PRKG1: variants seen among roughly 807,000 people sequenced by gnomAD.
The protein encoded by PRKG1 is cGMP-dependent protein kinase 1.
PRKG1 carries 35 observed loss-of-function variants against 88.1 expected under a neutral mutation model. The observed-to-expected ratio is 0.40, with a 90% CI of 0.30 to 0.53. PRKG1 has a LOEUF of 0.53. PRKG1 is among the 20% of genes least tolerant of loss of function. PRKG1 has a pLI of 0.59. For missense variants in PRKG1, 540 were observed against 839.8 expected (o/e 0.64, Z 4.41); for synonymous variants, 303 against 292.5 (o/e 1.04, Z -0.37).
intron 5 of PRKG1, among the ~76,000 whole-genome samples, chr10:51,946,253 G>C (rs142259313): frequency 1.3e-5 from 2 of 151,834 alleles, no homozygotes; most frequent in Non-Finnish European, 2.9e-5. Context: ...TGATCGCATC[G>C]GCTCCTGAGC....
intron 4 of PRKG1, among the ~76,000 whole-genome samples, chr10:51,855,667 A>G (rs939853989): frequency 2.2e-4 from 33 of 152,314 alleles, no homozygotes; most frequent in African/African-American, 7.2e-4. Context: ...TCACTTAAAA[A>G]TAAGGTGACC....
intron 2 of PRKG1, among the ~76,000 whole-genome samples, chr10:51,362,739 G>A (rs947301136): frequency 4.0e-5 from 6 of 151,522 alleles, no homozygotes; most frequent in Admixed American, 6.6e-5. Context: ...TCAACCCATC[G>A]TCTACGTTAG....
rs768402763 is a variant in PRKG1, at chr10:52,282,254, C to G, written c.1647C>G (p.Gly549=). 1.2e-6 allele frequency: 2 copies of G among 1,611,224 alleles called. No individual in the cohort carries two copies. Among genetic ancestry groups the G allele is most frequent in the South Asian group, 2.2e-5 (2 of 90,734 alleles). ...YVAPEIILNK[G]HDISADYWSL... is the part of the protein sequence containing the mutation. ...CCCCAGAGATCATCCTGAACAAAGGCCATGACATTTCAGCCGACTACTGGT... is the reference window on the plus strand; with the variant it reads ...CCCCAGAGATCATCCTGAACAAAGGGCATGACATTTCAGCCGACTACTGGT... Residue 549 remains glycine (G), a synonymous_variant, in exon 14 of 18, where the codon GGC becomes GGG. Transcript: ENST00000373980.
At chr10:52,162,066 A>C in intron 9 of PRKG1, 103 bp downstream of exon 9, 2 of 957,230 alleles carry the variant, frequency 2.1e-6, no homozygotes, top group Non-Finnish European at 3.2e-6. Context: ...CTGACAGGAA[A>C]CAACTAATTA....
chr10:51,997,725 T>G (rs2339894), intron 5 of PRKG1, among the ~76,000 whole-genome samples: 41,450 of 151,968 alleles, frequency 0.27, 6,593 homozygotes, highest in East Asian at 0.65. Flanking sequence ...TTCTAGTAAT[T>G]TGTTGGTGTA....
At chr10:51,697,690 T>G in intron 3 of PRKG1, 1 of 1,613,360 alleles carries the variant, frequency 6.2e-7, no homozygotes, top group East Asian at 2.2e-5. Context: ...AAATATTTTC[T>G]AAAACCTTTC....
rs1337164736 is a variant in PRKG1 at position 52,235,405 on chromosome 10, T to G, written c.1077-16165T>G. On this transcript the variant is annotated intron_variant, in intron 9 of 17. Coordinates refer to ENST00000373980, the MANE Select transcript of PRKG1 (RefSeq NM_006258.4). Reference sequence around the variant, plus strand: ...AAAGAGTCAAGACCCATCAGTGTGCTGTATTCAGGAAACCCATCTCACGTG... The same window carrying G: ...AAAGAGTCAAGACCCATCAGTGTGCGGTATTCAGGAAACCCATCTCACGTG... Among the ~76,000 whole-genome samples, 16 of 132,178 alleles carry G rather than the reference T, an allele frequency of 1.2e-4. 1 individual carries two copies. The highest frequency in any genetic ancestry group is 4.6e-4 in the African/African-American group (16 of 34,822). The allele number at this position is 132,178 out of a possible 152,430, so 86.7% of individuals were successfully genotyped here. A position where few individuals can be genotyped will look rare whatever the true frequency, so the allele number is the denominator to read the frequency against.
chr10:52,170,880 GGC>G (rs1207972183), intron 9 of PRKG1, among the ~76,000 whole-genome samples: 4 of 10,506 alleles, frequency 3.8e-4, no homozygotes, highest in South Asian at 3.5e-3. Flanking sequence ...GTTGCTCTTC[GGC>G]GGCTTTCAGA....
intron 3 of PRKG1, among the ~76,000 whole-genome samples, chr10:51,528,295 A>G (rs1375065236): frequency 6.6e-6 from 1 of 152,206 alleles, no homozygotes; most frequent in East Asian, 1.9e-4. Flanking sequence ...TCTGGTTAAA[A>G]TGTTCATTTG....
chr10:51,204,431 C>T (rs1837994308), intron 2 of PRKG1, among the ~76,000 whole-genome samples: 1 of 150,304 alleles, frequency 6.7e-6, no homozygotes, highest in African/African-American at 2.4e-5. Context: ...ATTTTTTTTC[C>T]CATCCTTCAG....
At chr10:51,040,311 CTTTTTTTTTTTTTTT>C (rs34444612) in intron 1 of PRKG1, among the ~76,000 whole-genome samples, 1 of 42,584 alleles carries the variant, frequency 2.3e-5, no homozygotes, top group African/African-American at 9.2e-5. Context: ...TTCTTTTTCT[CTTTTTTTTTTTTTTT>C]TTTTTTTTTT....
intron 3 of PRKG1, among the ~76,000 whole-genome samples, chr10:51,678,099 G>C (rs1025021555): frequency 6.6e-6 from 1 of 152,124 alleles, no homozygotes; most frequent in Non-Finnish European, 1.5e-5. Context: ...GAGCTGAGTG[G>C]ATTCAGGGAG....
chr10:51,091,206 T>G (rs1426859127), intron 1 of PRKG1, among the ~76,000 whole-genome samples: 1 of 152,196 alleles, frequency 6.6e-6, no homozygotes, highest in Non-Finnish European at 1.5e-5. Context: ...CAAGAAAGAT[T>G]ATTTTTAACA....
intron 3 of PRKG1, among the ~76,000 whole-genome samples, chr10:51,566,066 T>C (rs1837594824): frequency 6.6e-6 from 1 of 152,074 alleles, no homozygotes; most frequent in Non-Finnish European, 1.5e-5. Flanking sequence ...GTAAAGTAAT[T>C]AATATAATGA....
intron 5 of PRKG1, among the ~76,000 whole-genome samples, chr10:52,012,285 AG>A (rs1844908222): frequency 6.9e-6 from 1 of 144,538 alleles, no homozygotes; most frequent in Non-Finnish European, 1.5e-5. Flanking sequence ...TGTAGTGCCC[AG>A]GCTGGAGTAA....
chr10:52,201,476 C>T (rs571557402), intron 9 of PRKG1, among the ~76,000 whole-genome samples: 1 of 152,178 alleles, frequency 6.6e-6, no homozygotes, highest in Admixed American at 6.5e-5. Context: ...AGTTTGAAGT[C>T]AAGTACTGTA....
chr10:51,442,332 A>G (rs1839139854), intron 2 of PRKG1, among the ~76,000 whole-genome samples: 1 of 151,946 alleles, frequency 6.6e-6, no homozygotes, highest in Admixed American at 6.6e-5. Context: ...ATCAAATTCT[A>G]TTTAGAATTT....
At chr10:51,698,799 G>T in intron 3 of PRKG1, 1 of 1,614,184 alleles carries the variant, frequency 6.2e-7, no homozygotes, top group Non-Finnish European at 8.5e-7. Context: ...ATCAGAGGAG[G>T]AATGTCCTTC....
intron 3 of PRKG1, among the ~76,000 whole-genome samples, chr10:51,598,983 A>G (rs937794632): frequency 6.6e-6 from 1 of 152,308 alleles, no homozygotes; most frequent in African/African-American, 2.4e-5. Context: ...TAGAAGACAA[A>G]CAACACCATG....
Sources: gnomAD v4.1 joint callset for allele counts (sites outside exome capture counted in the v4.1 genomes callset) on GRCh38, gnomAD v4.1.1 for gene constraint, MANE v1.5 for transcripts, NCBI Gene and HGNC (gene_info 2026-07-23, HGNC 2026-07-21) for gene names.